Variants in MPRIP observed in about 807,000 individuals in gnomAD.
MPRIP encodes the protein myosin phosphatase Rho-interacting protein.
MPRIP carries 59 observed loss-of-function variants against 234.9 expected under a neutral mutation model. The ratio of observed to expected loss-of-function variants is 0.25; its 90% CI spans 0.20 to 0.31. The LOEUF (loss-of-function observed/expected upper bound fraction) is 0.31. MPRIP is among the 10% of genes least tolerant of loss of function. MPRIP has a pLI of 1.00. For missense variants in MPRIP, 2,436 were observed against 3,071.0 expected (o/e 0.79, Z 4.89); for synonymous variants, 1,144 against 1,263.9 (o/e 0.91, Z 2.01).
chr17:17,166,483 C>G lies in MPRIP; in HGVS notation c.4892C>G (p.Ser1631Cys), dbSNP rs1247154828. ...VDGEFWSQVE[S>C]LRKHLGTLGG... ...GGTGAGTTCTGGAGCCAGGTTGAGT[C>G]TCTGAGGAAGCACTTGGGGACACTG... The change falls in exon 16 of 24, where the codon TCT (serine) becomes TGT (cysteine). Residue 1631 changes from serine to cysteine, a missense_variant. Ser to Cys is a moderately radical substitution (Grantham distance 112). This residue lies in a region of MPRIP where 1,998 missense variants were observed against 2,520.3 expected (regional missense o/e 0.79). Transcript: ENST00000651222. This position sits in a 1 kb window ranked among gnomAD's most constrained non-coding sequence, Gnocchi z 4.4. The G allele has an allele frequency of 4.6e-6, 6 of 1,304,182 alleles. No homozygotes were observed. The highest frequency in any genetic ancestry group is 6.1e-6 in the Non-Finnish European group (6 of 988,976). The allele number at this position is 1,304,182 out of a possible 1,614,324, so 80.8% of individuals were successfully genotyped here.
intron 3 of MPRIP, among the ~76,000 whole-genome samples, chr17:17,126,299 C>G (rs1281791605): frequency 6.6e-6 from 1 of 152,090 alleles, no homozygotes; most frequent in Non-Finnish European, 1.5e-5. Flanking sequence ...TCTCTCTGGC[C>G]CCCTCCTTGC....
At chr17:17,104,016 G>A (rs1488960002) in intron 3 of MPRIP, among the ~76,000 whole-genome samples, 3 of 130,856 alleles carry the variant, frequency 2.3e-5, no homozygotes, top group South Asian at 2.9e-4. Flanking sequence ...TGGGAATGGC[G>A]TGTGAGCCCA....
In MPRIP at chr17:17,111,730, G is replaced by T. The variant is rs185234928; in HGVS notation, c.268-14972G>T. Among the ~76,000 whole-genome samples, 5 of 152,296 alleles carry T rather than the reference G, an allele frequency of 3.3e-5. No homozygotes were observed. In the East Asian group the frequency reaches 9.6e-4, roughly 29 times the overall value. ...ACTGCGGACTGACTCAGCTGTTACG[G>T]GCGGTACCAACAGCAGGCAGTCTCC... is the stretch of plus-strand genomic sequence containing the variant. On this transcript the variant is annotated intron_variant, in intron 3 of 23. Coordinates refer to ENST00000651222, the MANE Select transcript of MPRIP (RefSeq NM_001364716.4).
intron 3 of MPRIP, among the ~76,000 whole-genome samples, chr17:17,086,674 C>T (rs572055746): frequency 1.6e-4 from 24 of 152,298 alleles, no homozygotes; most frequent in African/African-American, 5.5e-4. Flanking sequence ...AGGATGGAAA[C>T]GCTTCCTAAG....
chr17:17,141,151 A>C (rs1426961513), intron 7 of MPRIP, among the ~76,000 whole-genome samples: 2 of 152,230 alleles, frequency 1.3e-5, no homozygotes, highest in Admixed American at 6.5e-5. Context: ...AAAGCCCAGC[A>C]GTTCCTCACT....
At chr17:17,162,863 A>AGT (rs773794993) in intron 15 of MPRIP, among the ~76,000 whole-genome samples, 1 of 152,232 alleles carries the variant, frequency 6.6e-6, no homozygotes, top group Non-Finnish European at 1.5e-5. Context: ...AATCCGAAAC[A>AGT]GTTCTTGTCC....
chr17:17,084,391 G>C (rs60128647), intron 3 of MPRIP, among the ~76,000 whole-genome samples: 17,864 of 152,216 alleles, frequency 0.12, 1,450 homozygotes, highest in East Asian at 0.29. Context: ...ACAGAGATTC[G>C]GGAGGAGCCA....
chr17:17,076,938 T>TTTTTTTTTTTTTTTTTC (rs2089345184), intron 2 of MPRIP: 1 of 110,770 alleles, frequency 9.0e-6, no homozygotes, highest in African/African-American at 4.5e-5. Context: ...GCTCTTTGCT[T>TTTTTTTTTTTTTTTTTC]TTTTTTTTTT....
At chr17:17,045,828 C>T (rs1460987522) in intron 1 of MPRIP, among the ~76,000 whole-genome samples, 2 of 139,658 alleles carry the variant, frequency 1.4e-5, no homozygotes, top group African/African-American at 2.8e-5. Context: ...TTTTTTGAGG[C>T]GGAGTCTCGC....
chr17:17,125,999 C>T (rs1166467696), intron 3 of MPRIP, among the ~76,000 whole-genome samples: 1 of 152,216 alleles, frequency 6.6e-6, no homozygotes, highest in African/African-American at 2.4e-5. Flanking sequence ...CAGGGCTAAA[C>T]AAGTCATCTC....
intron 3 of MPRIP, among the ~76,000 whole-genome samples, chr17:17,093,550 G>A (rs1270496523): frequency 1.3e-5 from 2 of 152,160 alleles, no homozygotes; most frequent in African/African-American, 4.8e-5. Flanking sequence ...GTTACCCTTG[G>A]ATCTTACTGT....
chr17:17,096,670 G>A (rs767155101), intron 3 of MPRIP: 150 of 444,120 alleles, frequency 3.4e-4, no homozygotes, highest in Non-Finnish European at 4.4e-4. Context: ...CTGATACTCC[G>A]GCTGCCTTGA....
At position 17,143,623 on chromosome 17, in the gene MPRIP, G is replaced by A. The variant is rs771232949; in HGVS notation, c.1457G>A (p.Arg486Gln). The A allele has an allele frequency of 1.1e-5, 17 of 1,606,120 alleles. No individual in the cohort carries two copies. Among genetic ancestry groups the A allele is most frequent in the Non-Finnish European group, 1.4e-5 (16 of 1,176,768 alleles). Reference sequence around the variant, plus strand: ...TCGGCTTCCCCCCTGTCTCCACACCGAAGAGCCAAGTCACTGGACAGGAGG... The same window carrying A: ...TCGGCTTCCCCCCTGTCTCCACACCAAAGAGCCAAGTCACTGGACAGGAGG... ...DASASPLSPH[R>Q]RAKSLDRRST... The change falls in exon 9 of 24, where the codon CGA becomes CAA. Residue 486 changes from arginine to glutamine, a missense_variant. Arg to Gln is a conservative substitution (Grantham distance 43, BLOSUM62 1). Transcript: ENST00000651222.
chr17:17,087,475 G>T (rs573970252), intron 3 of MPRIP, among the ~76,000 whole-genome samples: 21 of 152,346 alleles, frequency 1.4e-4, no homozygotes, highest in African/African-American at 4.8e-4. Context: ...GCCAGAGTGA[G>T]CAGGCAAAGA....
At chr17:17,105,248 A>C (rs1027069161) in intron 3 of MPRIP, among the ~76,000 whole-genome samples, 4 of 152,184 alleles carry the variant, frequency 2.6e-5, no homozygotes, top group African/African-American at 9.7e-5. Context: ...CGAGGGCCCA[A>C]CAGGGATGCT....
chr17:17,165,867 G>C lies in MPRIP; in HGVS notation c.4276G>C (p.Glu1426Gln). 7.7e-7 allele frequency: 1 copy of C among 1,304,168 alleles called. No homozygotes were observed. The highest frequency in any genetic ancestry group is 1.0e-6 in the Non-Finnish European group (1 of 988,942). 80.8% of individuals were successfully genotyped at this position (1,304,168 alleles called of 1,614,324 possible). ...ACTGCACCACCAGTGGGCGGGCACC[G>C]AGGCCCAGCTGCGTGAGCAGCTCCG... ...LALHHQWAGT[E>Q]AQLREQLRAS... The change falls in exon 16 of 24, where the codon GAG becomes CAG. Residue 1426 changes from glutamate (E) to glutamine (Q), a missense_variant. Glu to Gln is a conservative substitution (Grantham distance 29). This residue lies in a region of MPRIP where 1,998 missense variants were observed against 2,520.3 expected (regional missense o/e 0.79). Coordinates refer to ENST00000651222, the MANE Select transcript of MPRIP (RefSeq NM_001364716.4).
At chr17:17,064,460 G>A (rs987227680) in intron 1 of MPRIP, among the ~76,000 whole-genome samples, 3 of 152,030 alleles carry the variant, frequency 2.0e-5, no homozygotes, top group African/African-American at 4.8e-5. Context: ...CAGGTCCTCC[G>A]ATGGTGACCT....
chr17:17,070,799 T>A (rs1403583296), intron 1 of MPRIP, among the ~76,000 whole-genome samples: 1 of 152,238 alleles, frequency 6.6e-6, no homozygotes, highest in Non-Finnish European at 1.5e-5. Context: ...GTTCTTGGTA[T>A]GATGATGATT....
chr17:17,121,407 A>C (rs953096760), intron 3 of MPRIP, among the ~76,000 whole-genome samples: 2 of 152,238 alleles, frequency 1.3e-5, no homozygotes, highest in African/African-American at 4.8e-5. Flanking sequence ...GACTGCACCT[A>C]GCTTCTTAGC....
Sources: gnomAD v4.1 joint callset for allele counts (sites outside exome capture counted in the v4.1 genomes callset) on GRCh38, gnomAD v4.1.1 for gene constraint, gnomAD v4.1.1 regional missense constraint, Gnocchi (gnomAD v3.1) non-coding constraint, MANE v1.5 for transcripts, NCBI Gene and HGNC (gene_info 2026-07-23, HGNC 2026-07-21) for gene names.